The following OR14A2 variants were observed in gnomAD, a reference collection of about 807,000 sequenced individuals.
OR14A2 encodes the protein olfactory receptor family 14 subfamily A member 2, also known as olfactory receptor 14A2.
For missense variants in OR14A2, 237 were observed against 152.9 expected, an observed-to-expected ratio of 1.55 and a Z score of -2.90; for synonymous variants, 114 against 58.6, an observed-to-expected ratio of 1.95 and a Z score of -4.32.
chr1:247,728,462 A>G (rs557421706), upstream of OR14A2, among the ~76,000 whole-genome samples: 10 of 152,218 alleles, frequency 6.6e-5, no homozygotes, highest in South Asian at 1.7e-3. Context: ...CCCACAGCCA[A>G]TATCATACTG....
At chr1:247,747,549 A>C in the OR14A2 span, among the ~76,000 whole-genome samples, 1 of 151,872 alleles carries the variant, frequency 6.6e-6, no homozygotes, top group African/African-American at 2.4e-5. Flanking sequence ...TTTTTGGTAG[A>C]GAGGGGGTTT....
At chr1:247,734,421 G>GCC in the OR14A2 span, among the ~76,000 whole-genome samples, 1 of 152,242 alleles carries the variant, frequency 6.6e-6, no homozygotes, top group South Asian at 2.1e-4. Context: ...TTTTGTCATG[G>GCC]CAGCCTAAAC....
At chr1:247,730,672 A>G in the OR14A2 span, among the ~76,000 whole-genome samples, 1 of 152,080 alleles carries the variant, frequency 6.6e-6, no homozygotes, top group East Asian at 1.9e-4. Flanking sequence ...TTTGGCATTT[A>G]CACATGTATT....
At chr1:247,747,646 G>A in the OR14A2 span, among the ~76,000 whole-genome samples, 1 of 152,174 alleles carries the variant, frequency 6.6e-6, no homozygotes, top group Non-Finnish European at 1.5e-5. Flanking sequence ...ACAGGCGTGA[G>A]GCACCGCGCC....
upstream of OR14A2, among the ~76,000 whole-genome samples, chr1:247,725,180 G>A (rs1029845096): frequency 6.6e-6 from 1 of 152,052 alleles, no homozygotes; most frequent in Admixed American, 6.6e-5. Context: ...GGCTTTCTAT[G>A]TGGGTGACCT....
At chr1:247,741,649 G>A in the OR14A2 span, among the ~76,000 whole-genome samples, 13 of 151,842 alleles carry the variant, frequency 8.6e-5, no homozygotes, top group African/African-American at 3.1e-4. Context: ...AAGTTTCAAT[G>A]GAAAAAAAGG....
chr1:247,740,967 C>G, the OR14A2 span, among the ~76,000 whole-genome samples: 1 of 152,138 alleles, frequency 6.6e-6, no homozygotes, highest in Non-Finnish European at 1.5e-5. Context: ...TTGGCAATAC[C>G]TTTCAAACTC....
At chr1:247,737,964 A>G in the OR14A2 span, among the ~76,000 whole-genome samples, 219 of 152,290 alleles carry the variant, frequency 1.4e-3, no homozygotes, top group African/African-American at 4.8e-3. Flanking sequence ...ATGACACTAT[A>G]TATTTGAAAA....
the OR14A2 span, among the ~76,000 whole-genome samples, chr1:247,739,751 T>A: frequency 1.3e-5 from 2 of 152,162 alleles, no homozygotes; most frequent in African/African-American, 4.8e-5. Context: ...TTTTAAAATT[T>A]TGAGACGGAA....
the OR14A2 span, among the ~76,000 whole-genome samples, chr1:247,735,782 G>A: frequency 4.6e-5 from 7 of 152,062 alleles, no homozygotes; most frequent in African/African-American, 7.2e-5. Flanking sequence ...AGTTTAACCC[G>A]GGGAGTTGGG....
At chr1:247,742,483 C>T in the OR14A2 span, among the ~76,000 whole-genome samples, 1 of 151,766 alleles carries the variant, frequency 6.6e-6, no homozygotes, top group Non-Finnish European at 1.5e-5. Flanking sequence ...CACACACACA[C>T]CATGAAGTGG....
the OR14A2 span, among the ~76,000 whole-genome samples, chr1:247,747,919 G>A: frequency 1.3e-5 from 2 of 152,078 alleles, no homozygotes; most frequent in Non-Finnish European, 2.9e-5. Context: ...ATATCCTATG[G>A]TTCCTGAGAG....
the OR14A2 span, among the ~76,000 whole-genome samples, chr1:247,743,499 C>T: frequency 6.6e-6 from 1 of 152,190 alleles, no homozygotes; most frequent in Non-Finnish European, 1.5e-5. Flanking sequence ...TATGGTTCTG[C>T]AGTTTCAGGA....
the OR14A2 span, among the ~76,000 whole-genome samples, chr1:247,739,743 T>A: frequency 1.4e-5 from 2 of 146,882 alleles, no homozygotes; most frequent in Non-Finnish European, 3.0e-5. Flanking sequence ...CTTTTTTTTT[T>A]TAAAATTTTG....
At chr1:247,736,174 TCC>T in the OR14A2 span, among the ~76,000 whole-genome samples, 2,145 of 132,524 alleles carry the variant, frequency 0.016, 54 homozygotes, top group African/African-American at 0.06. Context: ...CCCTCCCCTC[TCC>T]TCTCCTCTCC....
the OR14A2 span, among the ~76,000 whole-genome samples, chr1:247,741,281 C>A: frequency 1.3e-5 from 2 of 152,256 alleles, no homozygotes; most frequent in South Asian, 4.1e-4. Context: ...CTAATGCCTG[C>A]ATGGAAAGTT....
chr1:247,732,355 G>A, the OR14A2 span, among the ~76,000 whole-genome samples: 1 of 152,116 alleles, frequency 6.6e-6, no homozygotes, highest in Non-Finnish European at 1.5e-5. Flanking sequence ...CTGTGATGGA[G>A]GAAACTAAAA....
chr1:247,739,181 A>G, the OR14A2 span: 1 of 780,806 alleles, frequency 1.3e-6, no homozygotes, highest in East Asian at 2.4e-5. Flanking sequence ...CTTGTTCTAA[A>G]GAACATGCCA....
At chr1:247,744,330 C>T in the OR14A2 span, among the ~76,000 whole-genome samples, 3 of 152,058 alleles carry the variant, frequency 2.0e-5, no homozygotes, top group African/African-American at 2.4e-5. The surrounding 1 kb of genome is among the most constrained non-coding windows in gnomAD (Gnocchi z 4.3). Flanking sequence ...AATGTAATCA[C>T]GTTAAATCTG....
Sources: allele counts gnomAD v4.1 joint callset (sites outside exome capture counted in the v4.1 genomes callset), GRCh38; gene constraint gnomAD v4.1.1; non-coding constraint Gnocchi (gnomAD v3.1); transcripts MANE v1.5; gene names NCBI Gene and HGNC (gene_info 2026-07-23, HGNC 2026-07-21).